SLIT2: variants seen among roughly 807,000 people sequenced by gnomAD.
The protein encoded by SLIT2 is slit homolog 2 protein.
Under a neutral mutation model 185.7 loss-of-function variants are expected in SLIT2, and 41 were observed. The ratio of observed to expected loss-of-function variants is 0.22; its 90% CI spans 0.17 to 0.29. The LOEUF (loss-of-function observed/expected upper bound fraction) is 0.29, where lower values mean the gene tolerates loss of function less well. Among genes scored for constraint, SLIT2 ranks in the 10% least tolerant of loss-of-function variants. The probability of loss-of-function intolerance (pLI) is 1.00; values close to 1 mark genes in which losing one functional copy is unlikely to be tolerated. For missense variants in SLIT2, 1,571 were observed against 1,909.0 expected, an observed-to-expected ratio of 0.82 and a Z score of 3.30; for synonymous variants, 693 against 680.2, an observed-to-expected ratio of 1.02 and a Z score of -0.29.
Position 20,541,632 on chromosome 4 carries a change from T to A in SLIT2, c.2143+13T>A. ...ACTTGTGATGACGGTAAGAAATACT[T>A]ATCAACTCTTTGATTGTCAGGCATT... On this transcript the variant is annotated intron_variant, in intron 20 of 36. Coordinates refer to ENST00000504154, the MANE Select transcript of SLIT2 (RefSeq NM_004787.4). 6.2e-7 allele frequency: 1 copy of A among 1,610,968 alleles called. No homozygotes were observed. Among genetic ancestry groups the A allele is most frequent in the Middle Eastern group, 1.7e-4 (1 of 6,050 alleles).
intron 4 of SLIT2, among the ~76,000 whole-genome samples, chr4:20,452,010 A>G (rs1224750298): frequency 1.3e-5 from 2 of 152,238 alleles, no homozygotes; most frequent in Non-Finnish European, 2.9e-5. Flanking sequence ...ATTTTGTCTC[A>G]TTGAAATCAT....
chr4:20,552,992 T>C (rs1390183479), intron 25 of SLIT2, among the ~76,000 whole-genome samples: 1 of 152,196 alleles, frequency 6.6e-6, no homozygotes, highest in East Asian at 1.9e-4. Flanking sequence ...CTGCATATAG[T>C]AATAGTGCAA....
chr4:20,314,725 GACAA>G (rs879410112), intron 4 of SLIT2, among the ~76,000 whole-genome samples: 40 of 152,042 alleles, frequency 2.6e-4, no homozygotes, highest in Admixed American at 4.6e-4. Context: ...TATTTAAAAA[GACAA>G]ACAATATAAG....
chr4:20,536,198 A>C (rs1344284625), intron 18 of SLIT2, among the ~76,000 whole-genome samples: 1 of 152,180 alleles, frequency 6.6e-6, no homozygotes, highest in Non-Finnish European at 1.5e-5. Flanking sequence ...GGGTGAGTGA[A>C]TGAGTGAGTG....
At position 20,365,348 on chromosome 4, in the gene SLIT2, G is replaced by A. The variant is rs945195130; in HGVS notation, c.395+96467G>A. ...TGTAACTCCTCAGGGATGCTGTTAA[G>A]GACCCAAGATCTTTCTGCCTCTCAG... On this transcript the variant is annotated intron_variant, in intron 4 of 36. Coordinates refer to ENST00000504154, the MANE Select transcript of SLIT2 (RefSeq NM_004787.4). Among the ~76,000 whole-genome samples the A allele has an allele frequency of 2.0e-5, 3 of 152,100 alleles. No homozygotes were observed. The South Asian group carries it at 6.2e-4, about 32-fold the overall frequency.
intron 11 of SLIT2, among the ~76,000 whole-genome samples, chr4:20,515,876 C>T (rs1301219664): frequency 6.6e-6 from 1 of 152,102 alleles, no homozygotes; most frequent in Non-Finnish European, 1.5e-5. Flanking sequence ...AGTACAATGG[C>T]GCAATCTCGG....
intron 29 of SLIT2, among the ~76,000 whole-genome samples, chr4:20,582,495 A>G (rs1017828570): frequency 3.3e-5 from 5 of 152,182 alleles, no homozygotes; most frequent in African/African-American, 1.2e-4. Flanking sequence ...GTTGCTATCA[A>G]TCAGAACATG....
At chr4:20,568,071 T>TG (rs769071705) in intron 28 of SLIT2, among the ~76,000 whole-genome samples, 3 of 152,126 alleles carry the variant, frequency 2.0e-5, no homozygotes, top group Non-Finnish European at 2.9e-5. Context: ...TAGACAGACT[T>TG]GCTGTGAACG....
chr4:20,411,261 A>G (rs1253699209), intron 4 of SLIT2, among the ~76,000 whole-genome samples: 1 of 152,164 alleles, frequency 6.6e-6, no homozygotes, highest in African/African-American at 2.4e-5. Context: ...GCTTCTATGT[A>G]CCTTTAATTA....
chr4:20,594,958 G>C (rs1727855606), intron 30 of SLIT2, among the ~76,000 whole-genome samples: 1 of 152,156 alleles, frequency 6.6e-6, no homozygotes, highest in Non-Finnish European at 1.5e-5. Flanking sequence ...CACATGGTTA[G>C]AGCAGGGCCA....
At chr4:20,438,327 G>T (rs572351319) in intron 4 of SLIT2, among the ~76,000 whole-genome samples, 18 of 152,236 alleles carry the variant, frequency 1.2e-4, no homozygotes, top group African/African-American at 4.3e-4. Flanking sequence ...GTTCCACATG[G>T]CTGGGGAGGC....
At chr4:20,574,826 A>G (rs916174903) in intron 29 of SLIT2, among the ~76,000 whole-genome samples, 3 of 150,548 alleles carry the variant, frequency 2.0e-5, no homozygotes, top group African/African-American at 7.3e-5. Context: ...ATTATATAGC[A>G]GGTCTCTCTG....
Position 20,348,067 on chromosome 4 carries a change from C to T in SLIT2, c.395+79186C>T, listed in dbSNP as rs1429011265. 3.3e-5 allele frequency among the ~76,000 whole-genome samples: 5 copies of T among 152,160 alleles called. No individual in the cohort carries two copies. The East Asian group carries it at 9.6e-4, about 29-fold the overall frequency. ...ATTTTAAAAAGGGTGTGTACCAACACCGTACCAGTGGTGACCATTTATGTA... is the reference window on the plus strand; with the variant it reads ...ATTTTAAAAAGGGTGTGTACCAACATCGTACCAGTGGTGACCATTTATGTA... On this transcript the variant is annotated intron_variant, in intron 4 of 36. Coordinates refer to ENST00000504154, the MANE Select transcript of SLIT2 (RefSeq NM_004787.4).
At chr4:20,590,557 T>C (rs1054022788) in intron 30 of SLIT2, among the ~76,000 whole-genome samples, 37 of 152,192 alleles carry the variant, frequency 2.4e-4, no homozygotes, top group Admixed American at 2.4e-3. Flanking sequence ...TAGTGTCTCT[T>C]CCAACTTAAA....
Position 20,437,728 on chromosome 4 carries a change from T to C in SLIT2, c.396-30024T>C, listed in dbSNP as rs554630011. ...GAGATCGAGACTATCCTGGCTAACATGGTGAAACCCTGTCTCTACTGAAAA... is the reference window on the plus strand; with the variant it reads ...GAGATCGAGACTATCCTGGCTAACACGGTGAAACCCTGTCTCTACTGAAAA... On this transcript the variant is annotated intron_variant, in intron 4 of 36. Transcript: ENST00000504154. Among the ~76,000 whole-genome samples the C allele has an allele frequency of 2.0e-5, 3 of 151,832 alleles. No individual in the cohort carries two copies. The East Asian group carries it at 5.9e-4, about 30-fold the overall frequency.
At chr4:20,482,307 G>A (rs1716780334) in intron 6 of SLIT2, among the ~76,000 whole-genome samples, 1 of 151,852 alleles carries the variant, frequency 6.6e-6, no homozygotes, top group African/African-American at 2.4e-5. Flanking sequence ...AAATTACCTT[G>A]TTATTAAGTT....
intron 32 of SLIT2, among the ~76,000 whole-genome samples, chr4:20,597,731 A>G (rs576709178): frequency 1.3e-5 from 2 of 152,292 alleles, no homozygotes; most frequent in African/African-American, 4.8e-5. Context: ...TCTACCTTCC[A>G]GTGTTTGCCC....
intron 36 of SLIT2, 83 bp downstream of exon 36, chr4:20,617,733 G>GAAAAAAAAAAA: frequency 2.0e-6 from 1 of 496,986 alleles, no homozygotes; most frequent in Non-Finnish European, 3.6e-6. Context: ...GAGAAAAAGT[G>GAAAAAAAAAAA]AAAAAAAAAA....
chr4:20,606,495 G>T (rs1728807527), intron 33 of SLIT2, among the ~76,000 whole-genome samples: 1 of 149,622 alleles, frequency 6.7e-6, no homozygotes, highest in East Asian at 2.0e-4. Context: ...AAAAAAAAAG[G>T]AATCTAAAAT....
Sources: allele counts gnomAD v4.1 joint callset (sites outside exome capture counted in the v4.1 genomes callset), GRCh38; gene constraint gnomAD v4.1.1; transcripts MANE v1.5; gene names NCBI Gene and HGNC (gene_info 2026-07-23, HGNC 2026-07-21).